SLC39A8: variants seen among roughly 807,000 people sequenced by gnomAD.
The protein encoded by SLC39A8 is metal cation symporter ZIP8.
In SLC39A8, 15 loss-of-function variants were observed where a neutral mutation model predicts 40.4. That is an observed-to-expected ratio of 0.37 (90% CI 0.25 to 0.57). The LOEUF is 0.57. Among genes scored for constraint, SLC39A8 ranks in the 20% least tolerant of loss-of-function variants. SLC39A8 has a pLI of 0.75. For missense variants in SLC39A8, 472 were observed against 558.8 expected, an observed-to-expected ratio of 0.84 and a Z score of 1.57; for synonymous variants, 223 against 221.6, an observed-to-expected ratio of 1.01 and a Z score of -0.06.
chr4:102,316,479 A>G (rs1734663350), intron 2 of SLC39A8, among the ~76,000 whole-genome samples: 1 of 152,234 alleles, frequency 6.6e-6, no homozygotes, highest in Admixed American at 6.5e-5. Flanking sequence ...AACAAGGACT[A>G]GAATCTACAT....
chr4:102,289,159 G>A (rs1362650601), intron 6 of SLC39A8, among the ~76,000 whole-genome samples: 1 of 152,062 alleles, frequency 6.6e-6, no homozygotes, highest in African/African-American at 2.4e-5. Flanking sequence ...AACTTCTAGG[G>A]CCCTTAATAA....
chr4:102,305,450 C>T (rs751143998), intron 4 of SLC39A8, among the ~76,000 whole-genome samples: 4 of 151,818 alleles, frequency 2.6e-5, no homozygotes, highest in Admixed American at 6.6e-5. Context: ...CTTTAGAATA[C>T]GATATTAGGT....
chr4:102,339,044 T>C (rs998526084), intron 2 of SLC39A8, among the ~76,000 whole-genome samples: 1 of 152,210 alleles, frequency 6.6e-6, no homozygotes, highest in South Asian at 2.1e-4. Context: ...CAATCACACC[T>C]GGCATCAAGG....
chr4:102,274,410 T>G (rs567828973), intron 6 of SLC39A8, among the ~76,000 whole-genome samples: 6 of 151,834 alleles, frequency 4.0e-5, no homozygotes, highest in African/African-American at 1.5e-4. Context: ...GAAAAAACAA[T>G]GAAGAGGAAC....
intron 1 of SLC39A8, 24 bp from the exon 2 acceptor site, chr4:102,344,939 G>A: frequency 1.6e-6 from 2 of 1,225,514 alleles, no homozygotes; most frequent in South Asian, 6.4e-5. Flanking sequence ...GACAAAGGGG[G>A]ACAGAGATAA....
At chr4:102,294,092 T>C (rs148969768) in intron 6 of SLC39A8, among the ~76,000 whole-genome samples, 6 of 152,026 alleles carry the variant, frequency 3.9e-5, no homozygotes, top group South Asian at 4.1e-4. Context: ...AAACTTAAAA[T>C]TTTTGAAAGA....
intron 6 of SLC39A8, among the ~76,000 whole-genome samples, chr4:102,269,242 CA>C (rs897597820): frequency 6.6e-6 from 1 of 152,080 alleles, no homozygotes; most frequent in Non-Finnish European, 1.5e-5. Flanking sequence ...ACAGTTACTC[CA>C]ATATCACTTC....
chr4:102,284,974 G>A (rs1242717679), intron 6 of SLC39A8, among the ~76,000 whole-genome samples: 1 of 152,020 alleles, frequency 6.6e-6, no homozygotes, highest in East Asian at 1.9e-4. Context: ...AATCTCTATT[G>A]GTGTTTCCTC....
chr4:102,306,722 GTC>G (rs1033710582), intron 4 of SLC39A8, among the ~76,000 whole-genome samples: 4 of 152,006 alleles, frequency 2.6e-5, no homozygotes, highest in African/African-American at 9.6e-5. Context: ...TTCTATGAAA[GTC>G]TCTTTCTCCT....
intron 2 of SLC39A8, among the ~76,000 whole-genome samples, chr4:102,327,043 A>G (rs1735235671): frequency 6.6e-6 from 1 of 152,192 alleles, no homozygotes; most frequent in Non-Finnish European, 1.5e-5. Flanking sequence ...GCACTTTGAG[A>G]CACCAAGGCA....
chr4:102,330,862 G>A (rs1045094866), intron 2 of SLC39A8, among the ~76,000 whole-genome samples: 2 of 152,150 alleles, frequency 1.3e-5, no homozygotes, highest in African/African-American at 4.8e-5. Flanking sequence ...ATGCAGTGCT[G>A]GTTCAACATA....
At position 102,261,805 on chromosome 4, in the gene SLC39A8, G is replaced by T; in HGVS notation, c.*1239C>A. ...ACATGAAAACATTTTTTGGTCTGTTGGAAAATGTAATTCCTGAGATCATTG... is the reference window on the plus strand; with the variant it reads ...ACATGAAAACATTTTTTGGTCTGTTTGAAAATGTAATTCCTGAGATCATTG... On this transcript the variant is annotated 3_prime_UTR_variant, in exon 9 of 9. Coordinates refer to ENST00000356736, the MANE Select transcript of SLC39A8 (RefSeq NM_001135146.2). 1.0e-6 allele frequency: 1 copy of T among 985,780 alleles called. No individual in the cohort carries two copies. Among genetic ancestry groups the T allele is most frequent in the Non-Finnish European group, 1.2e-6 (1 of 829,898 alleles). 61.1% of individuals were successfully genotyped at this position (985,780 alleles called of 1,614,324 possible).
intron 2 of SLC39A8, among the ~76,000 whole-genome samples, chr4:102,320,887 G>A (rs1471241779): frequency 1.3e-5 from 2 of 150,904 alleles, no homozygotes; most frequent in Non-Finnish European, 2.9e-5. Context: ...TTACCACTTC[G>A]ACTGCTGTTA....
At chr4:102,333,425 AC>A (rs1735550282) in intron 2 of SLC39A8, among the ~76,000 whole-genome samples, 1 of 152,200 alleles carries the variant, frequency 6.6e-6, no homozygotes, top group African/African-American at 2.4e-5. Flanking sequence ...CAAGAGATTA[AC>A]TAAGAGATAT....
chr4:102,299,915 T>C (rs1733843181), intron 6 of SLC39A8, among the ~76,000 whole-genome samples: 2 of 152,030 alleles, frequency 1.3e-5, no homozygotes, highest in African/African-American at 2.4e-5. Context: ...GTGTCTGGGC[T>C]GGGGAGCCCC....
exon 12 of SLC39A8, chr4:102,251,363 T>C (rs1731581587): frequency 6.6e-6 from 1 of 152,266 alleles, no homozygotes; most frequent in African/African-American, 2.4e-5. Flanking sequence ...GCAGCTGGGA[T>C]GTCCAGGAAC....
At chr4:102,308,762 C>T (rs955714996) in intron 3 of SLC39A8, among the ~76,000 whole-genome samples, 7 of 152,118 alleles carry the variant, frequency 4.6e-5, no homozygotes, top group Non-Finnish European at 1.0e-4. Context: ...CAGTGGAGTA[C>T]ACTAGTAACA....
chr4:102,299,690 C>A lies in SLC39A8; in HGVS notation c.840+4627G>T, dbSNP rs186176155. 1.8e-3 allele frequency among the ~76,000 whole-genome samples: 272 copies of A among 152,186 alleles called. 1 individual carries two copies. Among genetic ancestry groups the A allele is most frequent in the Middle Eastern group, 6.8e-3 (2 of 294 alleles). On this transcript the variant is annotated intron_variant, in intron 6 of 8. Transcript: ENST00000356736. ...TATTTTATTGCACCTCAACTTTACA[C>A]ATAAAATTCACAATAATCAACTTCT...
At chr4:102,292,561 C>T (rs543663105) in intron 6 of SLC39A8, among the ~76,000 whole-genome samples, 8 of 152,204 alleles carry the variant, frequency 5.3e-5, no homozygotes, top group African/African-American at 1.9e-4. Flanking sequence ...AGAAACCCCA[C>T]TGCATAAAAT....
Sources: allele counts gnomAD v4.1 joint callset (sites outside exome capture counted in the v4.1 genomes callset), GRCh38; gene constraint gnomAD v4.1.1; transcripts MANE v1.5; gene names NCBI Gene and HGNC (gene_info 2026-07-23, HGNC 2026-07-21).